DNAJA4: variants seen among roughly 807,000 people sequenced by gnomAD.
The protein encoded by DNAJA4 is dnaJ homolog subfamily A member 4.
Under a neutral mutation model 39.7 loss-of-function variants are expected in DNAJA4, and 32 were observed. The ratio of observed to expected loss-of-function variants is 0.81; its 90% CI spans 0.61 to 1.08. DNAJA4 has a LOEUF of 1.08. Ranked by LOEUF, DNAJA4 falls within the 50% of genes least tolerant of loss-of-function variation. The pLI, the probability that DNAJA4 is intolerant of heterozygous loss-of-function variation, is 0.00. For synonymous variants in DNAJA4, 184 were observed against 182.4 expected (o/e 1.01, Z -0.07); for missense variants, 439 against 505.1 (o/e 0.87, Z 1.25).
chr15:78,279,984 G>A lies in DNAJA4; in HGVS notation c.878-61G>A. 2 of 1,539,086 alleles carry A rather than the reference G, an allele frequency of 1.3e-6. No homozygotes were observed. Among genetic ancestry groups the A allele is most frequent in the African/African-American group, 1.4e-5 (1 of 72,986 alleles). On this transcript the variant is annotated intron_variant, in intron 5 of 6. Transcript: ENST00000394852. The surrounding 1 kb of genome is among the most constrained non-coding windows in gnomAD (Gnocchi z 4.5). Reference sequence around the variant, plus strand: ...GCCTGCCGCAGGCTCTCCCATGAGGGAGAACGACCTCTGCAGGCCCCTCTG... The same window carrying A: ...GCCTGCCGCAGGCTCTCCCATGAGGAAGAACGACCTCTGCAGGCCCCTCTG...
chr15:78,265,626 T>G, intron 1 of DNAJA4: 1 of 702,372 alleles, frequency 1.4e-6, no homozygotes, highest in Non-Finnish European at 2.6e-6. Context: ...TTTTCCATCC[T>G]GTTTACAGAA....
intron 1 of DNAJA4, among the ~76,000 whole-genome samples, chr15:78,268,749 T>C (rs1385449150): frequency 6.6e-6 from 1 of 152,214 alleles, no homozygotes; most frequent in African/African-American, 2.4e-5. Flanking sequence ...GCCTTCTACA[T>C]GCCAGGCATG....
chr15:78,264,304 G>A (rs1228570291), upstream of DNAJA4: 3 of 1,388,050 alleles, frequency 2.2e-6, no homozygotes, highest in Non-Finnish European at 1.9e-6. Flanking sequence ...CGCCTTCTCC[G>A]GCCCCCGCCA....
At chr15:78,264,166 G>C, upstream of DNAJA4, 2 of 506,840 alleles carry the variant, frequency 3.9e-6, no homozygotes, top group Non-Finnish European at 6.5e-6. Flanking sequence ...TCGGCGCAGG[G>C]CTCCGGCCAA....
At chr15:78,277,975 CCT>C (rs2049520372) in intron 5 of DNAJA4, 12 of 450,320 alleles carry the variant, frequency 2.7e-5, no homozygotes, top group South Asian at 1.6e-4. Flanking sequence ...TTTCTTCACC[CCT>C]CTTTTGTGTT....
At chr15:78,275,758 G>A (rs2049438996) in intron 5 of DNAJA4, 30 bp downstream of exon 5, 1 of 1,475,554 alleles carries the variant, frequency 6.8e-7, no homozygotes, top group African/African-American at 1.4e-5. Context: ...TTCCATTGAT[G>A]TTCTGTATGT....
At chr15:78,278,378 T>C (rs1394834026) in intron 5 of DNAJA4, 3 of 440,424 alleles carry the variant, frequency 6.8e-6, no homozygotes, top group Non-Finnish European at 1.4e-5. Context: ...GATGCATTGT[T>C]TGGCGATGTC....
intron 1 of DNAJA4, chr15:78,265,916 A>C (rs1197265360): frequency 1.7e-6 from 1 of 592,224 alleles, no homozygotes; most frequent in Non-Finnish European, 3.0e-6. Context: ...TGTCTGTGTT[A>C]GTTGTTCCAA....
At chr15:78,272,983 G>A in intron 2 of DNAJA4, 112 bp from the exon 3 acceptor site, 1 of 706,282 alleles carries the variant, frequency 1.4e-6, no homozygotes, top group Non-Finnish European at 2.5e-6. Context: ...GCATGACCCA[G>A]CCACAGTCTT....
In DNAJA4 at chr15:78,280,245, G is replaced by C. The variant is rs202244455; in HGVS notation, c.979G>C (p.Val327Leu). 6.2e-7 allele frequency: 1 copy of C among 1,613,960 alleles called. No homozygotes were observed. Among genetic ancestry groups the C allele is most frequent in the Non-Finnish European group, 8.5e-7 (1 of 1,179,830 alleles). Residue 327 changes from valine to leucine, a missense_variant and splice_region_variant, in exon 7 of 7, where the codon GTA becomes CTA. Val to Leu is a conservative substitution (Grantham distance 32). Coordinates refer to ENST00000394852, the MANE Select transcript of DNAJA4 (RefSeq NM_001130182.2). ...TTCTTTCCCACCTCACCCTTTACAG[G>C]TAATCTTTCCTGAAAAACACTGGCT... ...EKGILIIQFL[V>L]IFPEKHWLSL...
intron 2 of DNAJA4, 115 bp downstream of exon 2, chr15:78,270,792 T>C: frequency 8.5e-7 from 1 of 1,174,038 alleles, no homozygotes; most frequent in Non-Finnish European, 1.2e-6. Flanking sequence ...GCGCGGTGGT[T>C]CATGTCTGTA....
At chr15:78,276,527 G>A (rs1221825317) in intron 5 of DNAJA4, among the ~76,000 whole-genome samples, 1 of 152,246 alleles carries the variant, frequency 6.6e-6, no homozygotes, top group Non-Finnish European at 1.5e-5. Context: ...AGAAGGGGCT[G>A]AGAAGGGAGA....
chr15:78,273,871 C>T lies in DNAJA4; in HGVS notation c.419-326C>T, dbSNP rs114521414. Among the ~76,000 whole-genome samples the T allele has an allele frequency of 3.9e-3, 596 of 152,254 alleles. 6 individuals carry two copies. Among genetic ancestry groups the T allele is most frequent in the African/African-American group, 0.013 (548 of 41,536 alleles). On this transcript the variant is annotated intron_variant, in intron 3 of 6. Transcript: ENST00000394852. Reference sequence around the variant, plus strand: ...TTGACAGAGCTTGTGTTGTCTAGATCGCCACAGCCCCAGCCTCCTCATTCA... The same window carrying T: ...TTGACAGAGCTTGTGTTGTCTAGATTGCCACAGCCCCAGCCTCCTCATTCA...
At position 78,279,661 on chromosome 15, in the gene DNAJA4, C is replaced by T. The variant is rs145424666; in HGVS notation, c.878-384C>T. 6.2e-5 allele frequency: 15 copies of T among 243,082 alleles called. No individual in the cohort carries two copies. In the East Asian group the frequency reaches 1.5e-3, roughly 24 times the overall value. 15.1% of individuals were successfully genotyped at this position (243,082 alleles called of 1,614,324 possible). ...GGCTTCTTCCTGTCTGTGGGGAGCA[C>T]TCCTGTCCCCCTCGTGGTAGGGATA... On this transcript the variant is annotated intron_variant, in intron 5 of 6. Transcript: ENST00000394852. This position sits in a 1 kb window ranked among gnomAD's most constrained non-coding sequence, Gnocchi z 4.5.
chr15:78,273,146 G>A lies in DNAJA4; in HGVS notation c.365G>A (p.Gly122Glu), dbSNP rs1378600674. The A allele has an allele frequency of 3.7e-6, 6 of 1,607,354 alleles. No individual in the cohort carries two copies. The highest frequency in any genetic ancestry group is 1.3e-5 in the African/African-American group (1 of 74,812). ...GTAACTCTTGAAGATCTATATAATG[G>A]AGTCACGAAGAAATTGGCCCTCCAG... The part of the protein sequence containing the change: ...LSVTLEDLYN[G>E]VTKKLALQKN... Residue 122 changes from glycine to glutamate, a missense_variant, in exon 3 of 7, where the codon GGA (glycine) becomes GAA (glutamate). Coordinates refer to ENST00000394852, the MANE Select transcript of DNAJA4 (RefSeq NM_001130182.2).
chr15:78,264,281 T>C, upstream of DNAJA4: 1 of 1,353,500 alleles, frequency 7.4e-7, no homozygotes. Context: ...GAGGGCGCCC[T>C]CCAGGCCCAA....
chr15:78,264,406 G>C (rs1384984326), upstream of DNAJA4: 15 of 1,377,620 alleles, frequency 1.1e-5, no homozygotes, highest in Admixed American at 1.5e-4. Context: ...GAGCGGCTGG[G>C]CCGCGCCGGA....
chr15:78,269,890 C>G (rs906024654), intron 1 of DNAJA4: 2 of 151,904 alleles, frequency 1.3e-5, no homozygotes, highest in East Asian at 3.9e-4. Flanking sequence ...TCTTAGGGTA[C>G]TGGAGATGCA....
Position 78,280,093 on chromosome 15 carries a change from T to C in DNAJA4, c.926T>C (p.Met309Thr), listed in dbSNP as rs774440296. The change falls in exon 6 of 7, where the codon ATG becomes ACG. Residue 309 changes from methionine to threonine, a missense_variant. Met to Thr is a moderately conservative substitution (Grantham distance 81). Transcript: ENST00000394852. ...GDLRCVRDEGMPIYKAPLEKG... is the reference protein window; with the variant it reads ...GDLRCVRDEGTPIYKAPLEKG... ...CTGAGATGCGTGCGCGATGAAGGAA[T>C]GCCCATCTACAAAGCACCCCTGGAA... 6.2e-7 allele frequency: 1 copy of C among 1,614,130 alleles called. No homozygotes were observed. Among genetic ancestry groups the C allele is most frequent in the African/African-American group, 1.3e-5 (1 of 74,946 alleles).
Sources: gnomAD v4.1 joint callset for allele counts (sites outside exome capture counted in the v4.1 genomes callset) on GRCh38, gnomAD v4.1.1 for gene constraint, Gnocchi (gnomAD v3.1) non-coding constraint, MANE v1.5 for transcripts, NCBI Gene and HGNC (gene_info 2026-07-23, HGNC 2026-07-21) for gene names.